HELLS: variants seen among roughly 807,000 people sequenced by gnomAD.
HELLS encodes the protein lymphoid-specific helicase.
A neutral mutation model predicts 120.0 loss-of-function variants in HELLS; 32 were observed. The observed-to-expected ratio is 0.27, with a 90% CI of 0.20 to 0.36. HELLS has a LOEUF of 0.36. Among genes scored for constraint, HELLS ranks in the 10% least tolerant of loss-of-function variants. The pLI is 1.00. For synonymous variants in HELLS, 341 were observed against 323.4 expected, an observed-to-expected ratio of 1.05 and a Z score of -0.58; for missense variants, 650 against 993.4, an observed-to-expected ratio of 0.65 and a Z score of 4.65.
At chr10:94,586,634 G>T (rs183020245) in intron 12 of HELLS, among the ~76,000 whole-genome samples, 2 of 152,216 alleles carry the variant, frequency 1.3e-5, no homozygotes, top group African/African-American at 4.8e-5. Flanking sequence ...GTAAACCATT[G>T]TCAGTATTTA....
At chr10:94,567,773 T>C (rs1404159486) in intron 6 of HELLS, among the ~76,000 whole-genome samples, 5 of 151,960 alleles carry the variant, frequency 3.3e-5, no homozygotes, top group Non-Finnish European at 7.4e-5. Context: ...CCAGGTGTGG[T>C]GGTGCATGAC....
chr10:94,602,316 G>A (rs1002317849), downstream of HELLS, among the ~76,000 whole-genome samples: 4 of 152,174 alleles, frequency 2.6e-5, no homozygotes, highest in African/African-American at 7.2e-5. Flanking sequence ...GGAAATGGTA[G>A]TGTATCATGC....
intron 9 of HELLS, among the ~76,000 whole-genome samples, chr10:94,575,362 G>A (rs929744373): frequency 1.3e-5 from 2 of 151,742 alleles, no homozygotes; most frequent in African/African-American, 4.8e-5. Context: ...GCCTCTCAAA[G>A]TACTGGGATT....
In HELLS at chr10:94,574,540, A is replaced by G; in HGVS notation, c.706-14A>G. On this transcript the variant is annotated splice_polypyrimidine_tract_variant and intron_variant, in intron 8 of 21. Coordinates refer to ENST00000348459, the MANE Select transcript of HELLS (RefSeq NM_018063.5). ...ATATCCAAGTTTAAATACAGTATCT[A>G]TTATTTTGTCCAGATGCTTTGGGAA... 1 of 1,592,710 alleles carries G rather than the reference A, an allele frequency of 6.3e-7. No individual in the cohort carries two copies. Among genetic ancestry groups the G allele is most frequent in the Non-Finnish European group, 8.6e-7 (1 of 1,161,042 alleles).
chr10:94,604,124 C>CT (rs1197097813), downstream of HELLS, among the ~76,000 whole-genome samples: 29,762 of 130,318 alleles, frequency 0.23, 3,632 homozygotes, highest in East Asian at 0.38. Context: ...CCACATCTGG[C>CT]TTTTTTTTTT....
At chr10:94,575,769 GTT>G (rs1231037940) in intron 9 of HELLS, among the ~76,000 whole-genome samples, 985 of 89,728 alleles carry the variant, frequency 0.011, 17 homozygotes, top group African/African-American at 0.019. Context: ...GGGGGGTTGT[GTT>G]TGTGTGTGTG....
chr10:94,572,903 C>T lies in HELLS; in HGVS notation c.478-1057C>T, dbSNP rs571883655. ...TTGTGTGGTTTTTAACTTGCATTTT[C>T]CTAATTACTACTGAAGTAGAGTATA... On this transcript the variant is annotated intron_variant, in intron 7 of 21. Transcript: ENST00000348459. Among the ~76,000 whole-genome samples the T allele has an allele frequency of 9.2e-5, 14 of 152,252 alleles. No homozygotes were observed. The East Asian group carries it at 2.5e-3, about 27-fold the overall frequency.
chr10:94,577,022 C>T lies in HELLS; in HGVS notation c.1032+217C>T, dbSNP rs116340300. On this transcript the variant is annotated intron_variant, in intron 10 of 21. Coordinates refer to ENST00000348459, the MANE Select transcript of HELLS (RefSeq NM_018063.5). Reference sequence around the variant, plus strand: ...GTAACAATATAATTAAAGCTTATGGCAGTTTAACCTATGGCTTAGAATCAT... The same window carrying T: ...GTAACAATATAATTAAAGCTTATGGTAGTTTAACCTATGGCTTAGAATCAT... The T allele has an allele frequency of 1.7e-3, 992 of 593,816 alleles. 8 individuals are homozygous for T. The highest frequency in any genetic ancestry group is 0.015 in the African/African-American group (811 of 53,552). 36.8% of individuals were successfully genotyped at this position (593,816 alleles called of 1,614,324 possible). A position where few individuals can be genotyped will look rare whatever the true frequency, so the allele number is the denominator to read the frequency against.
chr10:94,593,714 G>A, intron 18 of HELLS, 99 bp downstream of exon 18: 1 of 716,098 alleles, frequency 1.4e-6, no homozygotes, highest in Non-Finnish European at 2.5e-6. Flanking sequence ...CCAGGCTGGA[G>A]TGCAGTGGCA....
At chr10:94,585,867 C>G (rs1845118328) in intron 12 of HELLS, among the ~76,000 whole-genome samples, 1 of 151,970 alleles carries the variant, frequency 6.6e-6, no homozygotes, top group Non-Finnish European at 1.5e-5. Flanking sequence ...GCCACCAGGT[C>G]CAGCTAATTT....
intron 7 of HELLS, among the ~76,000 whole-genome samples, 194 bp from the exon 8 acceptor site, chr10:94,573,766 A>G (rs759649694): frequency 5.5e-5 from 8 of 145,668 alleles, no homozygotes; most frequent in Non-Finnish European, 9.1e-5. Context: ...GCAGCCTGTT[A>G]TTTTTTTTTT....
intron 9 of HELLS, among the ~76,000 whole-genome samples, chr10:94,576,070 TTACAGG>T (rs1230887011): frequency 2.6e-5 from 4 of 152,128 alleles, no homozygotes; most frequent in African/African-American, 9.7e-5. Flanking sequence ...GTGCTGGGGA[TTACAGG>T]TATGAGCCAT....
chr10:94,547,790 A>G (rs935549213), intron 2 of HELLS, among the ~76,000 whole-genome samples: 35 of 152,194 alleles, frequency 2.3e-4, no homozygotes, highest in African/African-American at 8.4e-4. Flanking sequence ...TGGCAGAGCT[A>G]ACATTCCAGT....
chr10:94,606,077 T>C (rs1589773177), downstream of HELLS, among the ~76,000 whole-genome samples: 1 of 151,426 alleles, frequency 6.6e-6, no homozygotes, highest in Non-Finnish European at 1.5e-5. Context: ...TTTTTTCTTT[T>C]TTTTTTTCAT....
chr10:94,603,335 GATCT>G (rs776509691), downstream of HELLS, among the ~76,000 whole-genome samples: 1 of 152,116 alleles, frequency 6.6e-6, no homozygotes, highest in Non-Finnish European at 1.5e-5. Flanking sequence ...CATTTTACTT[GATCT>G]ATTAGCAGCA....
chr10:94,562,017 A>G (rs1339774861), intron 4 of HELLS, among the ~76,000 whole-genome samples: 2 of 150,466 alleles, frequency 1.3e-5, no homozygotes, highest in Admixed American at 1.3e-4. Flanking sequence ...TCCTGACCTC[A>G]TGATCTGCCC....
chr10:94,572,597 T>G (rs1220498753), intron 7 of HELLS, among the ~76,000 whole-genome samples: 1 of 152,224 alleles, frequency 6.6e-6, no homozygotes, highest in East Asian at 1.9e-4. Flanking sequence ...GCATTTGGGT[T>G]GTTTGCAGTT....
chr10:94,567,180 C>T (rs7083414), intron 6 of HELLS, among the ~76,000 whole-genome samples: 1,817 of 152,282 alleles, frequency 0.012, 55 homozygotes, highest in African/African-American at 0.042. Flanking sequence ...TCTGTTTCTT[C>T]ACCTTTTCCT....
intron 12 of HELLS, among the ~76,000 whole-genome samples, chr10:94,586,861 T>G (rs1041385166): frequency 1.3e-5 from 2 of 151,838 alleles, no homozygotes; most frequent in African/African-American, 4.8e-5. Flanking sequence ...CTGACTAAAT[T>G]TTTTTGTTTT....
Sources: gnomAD v4.1 joint callset for allele counts (sites outside exome capture counted in the v4.1 genomes callset) on GRCh38, gnomAD v4.1.1 for gene constraint, MANE v1.5 for transcripts, NCBI Gene and HGNC (gene_info 2026-07-23, HGNC 2026-07-21) for gene names.